LRBA: variants seen among roughly 807,000 people sequenced by gnomAD.
LRBA encodes LPS responsive beige-like anchor protein, also known as lipopolysaccharide-responsive and beige-like anchor protein.
LRBA carries 176 observed loss-of-function variants against 330.0 expected under a neutral mutation model. The observed-to-expected ratio is 0.53, with a 90% CI of 0.47 to 0.60. The LOEUF (loss-of-function observed/expected upper bound fraction) is 0.60. Ranked by LOEUF, LRBA falls within the 20% of genes least tolerant of loss-of-function variation. The probability of loss-of-function intolerance (pLI) is 0.00; values close to 1 mark genes in which losing one functional copy is unlikely to be tolerated. For missense variants in LRBA, 3,259 were observed against 3,444.8 expected, an observed-to-expected ratio of 0.95 and a Z score of 1.35; for synonymous variants, 1,230 against 1,193.0, an observed-to-expected ratio of 1.03 and a Z score of -0.64.
chr4:150,875,885 C>G (rs766800878), intron 17 of LRBA, among the ~76,000 whole-genome samples: 12 of 152,118 alleles, frequency 7.9e-5, no homozygotes, highest in Admixed American at 7.9e-4. Context: ...GGTCCATAAC[C>G]AAAATGGAAA....
chr4:150,857,519 G>A (rs1239472461), intron 22 of LRBA, among the ~76,000 whole-genome samples: 5 of 152,036 alleles, frequency 3.3e-5, no homozygotes, highest in African/African-American at 1.2e-4. Flanking sequence ...GTATAAACTG[G>A]TACAAATTTT....
chr4:150,999,025 T>C (rs1743027372), intron 2 of LRBA, among the ~76,000 whole-genome samples: 1 of 152,148 alleles, frequency 6.6e-6, no homozygotes, highest in South Asian at 2.1e-4. Flanking sequence ...AACCTTTAAA[T>C]CCATCACTTT....
At chr4:150,426,736 T>G (rs567212696) in intron 46 of LRBA, among the ~76,000 whole-genome samples, 36 of 151,960 alleles carry the variant, frequency 2.4e-4, no homozygotes, top group African/African-American at 8.4e-4. Context: ...AAAACTTACT[T>G]TCAAAAATAT....
At chr4:150,870,190 A>G (rs1220280009) in intron 20 of LRBA, among the ~76,000 whole-genome samples, 1 of 152,204 alleles carries the variant, frequency 6.6e-6, no homozygotes, top group Non-Finnish European at 1.5e-5. Context: ...TATTCACAGT[A>G]ATTTAAGATA....
intron 53 of LRBA, among the ~76,000 whole-genome samples, chr4:150,293,213 A>G (rs919843158): frequency 1.3e-5 from 2 of 152,210 alleles, no homozygotes; most frequent in Non-Finnish European, 2.9e-5. Context: ...CAAAACATTC[A>G]TGTGAAAACT....
intron 2 of LRBA, among the ~76,000 whole-genome samples, chr4:151,008,425 G>C (rs1744380040): frequency 6.6e-6 from 1 of 151,902 alleles, no homozygotes; most frequent in African/African-American, 2.4e-5. Context: ...GTTGTCCCTT[G>C]CTATACTGGG....
intron 28 of LRBA, among the ~76,000 whole-genome samples, chr4:150,842,119 T>C (rs1205909565): frequency 2.0e-5 from 3 of 152,212 alleles, no homozygotes; most frequent in African/African-American, 2.4e-5. Context: ...AGTAATCATA[T>C]AGTAAAGGAG....
rs556811977 is a variant in LRBA, at chr4:151,011,626, T to C, written c.216+2801A>G. On this transcript the variant is annotated intron_variant, in intron 2 of 56. Coordinates refer to ENST00000651943, the MANE Select transcript of LRBA (RefSeq NM_001364905.1). ...AAAAAAAAAAAAAAAAAAGACTAAC[T>C]ATCAATTAGGAAATATTTACGTGTA... Among the ~76,000 whole-genome samples the C allele has an allele frequency of 3.3e-5, 5 of 149,908 alleles. No individual in the cohort carries two copies. The East Asian group carries it at 9.8e-4, about 30-fold the overall frequency.
chr4:150,790,929 A>C (rs1739812894), intron 34 of LRBA, among the ~76,000 whole-genome samples: 1 of 152,232 alleles, frequency 6.6e-6, no homozygotes, highest in Non-Finnish European at 1.5e-5. Context: ...TGCAATCAAA[A>C]GGTCATAGGT....
intron 2 of LRBA, among the ~76,000 whole-genome samples, chr4:150,934,770 A>G (rs971611684): frequency 6.6e-6 from 1 of 152,260 alleles, no homozygotes; most frequent in East Asian, 1.9e-4. Flanking sequence ...GCACTTTGGG[A>G]GGCCGAGGCG....
intron 35 of LRBA, among the ~76,000 whole-genome samples, chr4:150,747,585 G>A (rs946023532): frequency 6.6e-6 from 1 of 152,108 alleles, no homozygotes; most frequent in African/African-American, 2.4e-5. Context: ...AATCTAATAT[G>A]GAAAGTTATA....
At chr4:150,833,287 A>G (rs1321335140) in intron 28 of LRBA, among the ~76,000 whole-genome samples, 1 of 151,846 alleles carries the variant, frequency 6.6e-6, no homozygotes, top group African/African-American at 2.4e-5. Context: ...CCACTATTCT[A>G]CTAACTTTCC....
At chr4:150,862,646 T>C (rs993440825) in intron 22 of LRBA, among the ~76,000 whole-genome samples, 4 of 149,822 alleles carry the variant, frequency 2.7e-5, no homozygotes, top group Non-Finnish European at 4.4e-5. Flanking sequence ...CTGCACGTTG[T>C]GTACATGTAC....
At chr4:150,355,568 A>G (rs1364927165) in intron 47 of LRBA, among the ~76,000 whole-genome samples, 2 of 152,054 alleles carry the variant, frequency 1.3e-5, no homozygotes, top group African/African-American at 4.8e-5. Flanking sequence ...CCAGAAATAC[A>G]TTTCTGCACA....
intron 2 of LRBA, among the ~76,000 whole-genome samples, chr4:150,985,256 T>C (rs1227825178): frequency 8.5e-6 from 1 of 118,282 alleles, no homozygotes; most frequent in African/African-American, 3.1e-5. Context: ...AGACTCCATC[T>C]CAAAAAAAAA....
At chr4:150,584,265 A>G (rs1277931224) in intron 40 of LRBA, 3 of 750,794 alleles carry the variant, frequency 4.0e-6, no homozygotes, top group South Asian at 4.7e-5. Flanking sequence ...GAAGCAAACA[A>G]AAAGAGAGCA....
intron 2 of LRBA, among the ~76,000 whole-genome samples, chr4:150,957,021 C>T (rs915592129): frequency 4.7e-5 from 7 of 148,628 alleles, no homozygotes; most frequent in South Asian, 4.2e-4. Context: ...TGAGTGTGTG[C>T]GTGTGTGTGT....
At chr4:150,690,931 T>C (rs986806037) in intron 36 of LRBA, among the ~76,000 whole-genome samples, 3 of 144,132 alleles carry the variant, frequency 2.1e-5, no homozygotes, top group African/African-American at 7.8e-5. Context: ...CCTGGTCTTT[T>C]TTTTTTTTTT....
chr4:150,895,068 T>G (rs1729913688), intron 16 of LRBA, among the ~76,000 whole-genome samples: 1 of 152,064 alleles, frequency 6.6e-6, no homozygotes, highest in Admixed American at 6.6e-5. Flanking sequence ...TAAAATATAT[T>G]TATTAATTCA....
Sources: gnomAD v4.1 joint callset for allele counts (sites outside exome capture counted in the v4.1 genomes callset) on GRCh38, gnomAD v4.1.1 for gene constraint, MANE v1.5 for transcripts, NCBI Gene and HGNC (gene_info 2026-07-23, HGNC 2026-07-21) for gene names.